Variants in GTF3C3 observed in about 807,000 individuals in gnomAD.
GTF3C3 encodes the protein general transcription factor 3C polypeptide 3.
GTF3C3 carries 75 observed loss-of-function variants against 105.2 expected under a neutral mutation model. The ratio of observed to expected loss-of-function variants is 0.71; its 90% confidence interval spans 0.59 to 0.86. The LOEUF (loss-of-function observed/expected upper bound fraction) is 0.86. Among genes scored for constraint, GTF3C3 ranks in the 40% least tolerant of loss-of-function variants. The pLI, the probability that GTF3C3 is intolerant of heterozygous loss-of-function variation, is 0.00. For synonymous variants in GTF3C3, 335 were observed against 370.4 expected, an observed-to-expected ratio of 0.90 and a Z score of 1.10; for missense variants, 856 against 1,076.5, an observed-to-expected ratio of 0.80 and a Z score of 2.87.
rs1280912989 is a variant in GTF3C3, at chr2:196,776,049, A to G, written c.1656T>C (p.Tyr552=). The change falls in exon 12 of 18, where the codon TAT becomes TAC. Residue 552 remains tyrosine, a synonymous_variant. Transcript: ENST00000263956. This position sits in a 1 kb window ranked among gnomAD's most constrained non-coding sequence, Gnocchi z 4.5. ...LLFSQGKMYG[Y]VDTLLTMLAM... Reference sequence around the variant, plus strand: ...CTAACATAGTAAGTAAGGTATCCACATAACCATACATTTTGCCTTGTGAAA... The same window carrying G: ...CTAACATAGTAAGTAAGGTATCCACGTAACCATACATTTTGCCTTGTGAAA... The G allele has an allele frequency of 1.3e-6, 2 of 1,596,116 alleles. No homozygotes were observed. Among genetic ancestry groups the G allele is most frequent in the Non-Finnish European group, 1.7e-6 (2 of 1,169,354 alleles).
intron 13 of GTF3C3, 170 bp downstream of exon 13, chr2:196,774,945 GC>G (rs1699237410): frequency 4.4e-6 from 2 of 455,622 alleles, no homozygotes; most frequent in Admixed American, 4.1e-5. Flanking sequence ...TTTACATTTA[GC>G]CTTTCCTTTT....
At chr2:196,778,807 T>G in intron 10 of GTF3C3, 89 bp downstream of exon 10, 1 of 1,174,156 alleles carries the variant, frequency 8.5e-7, no homozygotes. Flanking sequence ...CAGAAACACT[T>G]GCACTATAAT....
chr2:196,781,632 C>T (rs1429185110), intron 8 of GTF3C3, among the ~76,000 whole-genome samples: 1 of 151,674 alleles, frequency 6.6e-6, no homozygotes, highest in African/African-American at 2.4e-5. Context: ...GAGCCAATCT[C>T]TCATGAACAC....
In GTF3C3 at chr2:196,785,580, T is replaced by C. The variant is rs370627551; in HGVS notation, c.902A>G (p.Tyr301Cys). Reference sequence around the variant, plus strand: ...AGCAGAAGTAACATCATTGGCTTCATAGTAACTCCTAAAAAAAAGTGGCAA... The same window carrying C: ...AGCAGAAGTAACATCATTGGCTTCACAGTAACTCCTAAAAAAAAGTGGCAA... ...QLARDMAKSYYEANDVTSAIN... is the reference protein window; with the variant it reads ...QLARDMAKSYCEANDVTSAIN... Residue 301 changes from tyrosine (Y) to cysteine (C), a missense_variant, in exon 7 of 18, where the codon TAT becomes TGT. Tyr to Cys is a radical substitution (Grantham distance 194). This residue lies in a region of GTF3C3 where 605 missense variants were observed against 833.6 expected (regional missense o/e 0.73). Coordinates refer to ENST00000263956, the MANE Select transcript of GTF3C3 (RefSeq NM_012086.5). The C allele has an allele frequency of 6.9e-6, 11 of 1,596,612 alleles. No individual in the cohort carries two copies. The African/African-American group carries it at 8.1e-5, about 12-fold the overall frequency.
intron 7 of GTF3C3, 28 bp from the exon 8 acceptor site, chr2:196,784,957 A>G: frequency 7.0e-7 from 1 of 1,435,960 alleles, no homozygotes; most frequent in Non-Finnish European, 9.8e-7. Flanking sequence ...AAGAAAGGAA[A>G]TAAAATATGT....
chr2:196,765,658 T>C (rs955777759), intron 17 of GTF3C3, among the ~76,000 whole-genome samples: 2 of 150,880 alleles, frequency 1.3e-5, no homozygotes, highest in African/African-American at 4.8e-5. Flanking sequence ...AGTAAATTTA[T>C]ATATAAAAAC....
chr2:196,795,032 T>G (rs1324530327), intron 2 of GTF3C3, among the ~76,000 whole-genome samples: 3 of 148,642 alleles, frequency 2.0e-5, no homozygotes, highest in Non-Finnish European at 4.5e-5. Context: ...CCCAGCATTT[T>G]TTTTGTTTTG....
At position 196,795,166 on chromosome 2, in the gene GTF3C3, T is replaced by C. The variant is rs562990415; in HGVS notation, c.215-2014A>G. Among the ~76,000 whole-genome samples, 11 of 152,250 alleles carry C rather than the reference T, an allele frequency of 7.2e-5. No homozygotes were observed. The South Asian group carries it at 1.2e-3, about 17-fold the overall frequency. On this transcript the variant is annotated intron_variant, in intron 2 of 17. Coordinates refer to ENST00000263956, the MANE Select transcript of GTF3C3 (RefSeq NM_012086.5). Reference sequence around the variant, plus strand: ...AAGCAGTCCATCTCAGCCTCCCTAGTAGCTGGGACTACAGGCTTGTGCCAA... The same window carrying C: ...AAGCAGTCCATCTCAGCCTCCCTAGCAGCTGGGACTACAGGCTTGTGCCAA...
chr2:196,778,944 CAAG>C lies in GTF3C3; in HGVS notation c.1339_1341del (p.Leu447del). The C allele has an allele frequency of 6.2e-7, 1 of 1,614,010 alleles. No individual in the cohort carries two copies. The highest frequency in any genetic ancestry group is 1.1e-5 in the South Asian group (1 of 91,082). On this transcript the variant is annotated inframe_deletion, in exon 10 of 18. Coordinates refer to ENST00000263956, the MANE Select transcript of GTF3C3 (RefSeq NM_012086.5). ...GCAAGGTTGTATCTTTCAGAGCAAACAAGAGCACTGAGGAGGGGAAGTGCAGAA... is the reference window on the plus strand; with the variant it reads ...GCAAGGTTGTATCTTTCAGAGCAAACAGCACTGAGGAGGGGAAGTGCAGAA...
intron 13 of GTF3C3, 133 bp downstream of exon 13, chr2:196,774,983 G>T: frequency 1.7e-6 from 1 of 584,146 alleles, no homozygotes; most frequent in Non-Finnish European, 2.9e-6. Flanking sequence ...TATTACACTT[G>T]AGAGATTTAG....
Position 196,779,465 on chromosome 2 carries a change from A to T in GTF3C3, c.1219-398T>A, listed in dbSNP as rs560026450. 2.0e-5 allele frequency among the ~76,000 whole-genome samples: 3 copies of T among 152,288 alleles called. No homozygotes were observed. In the South Asian group the frequency reaches 6.2e-4, roughly 32 times the overall value. ...AAAAGGAGCAAGGCTTAATAAAAAC[A>T]GCGTTATATGGTCATTTTTCTGTTC... On this transcript the variant is annotated intron_variant, in intron 9 of 17. Transcript: ENST00000263956.
At position 196,784,920 on chromosome 2, in the gene GTF3C3, C is replaced by A. The variant is rs775656714; in HGVS notation, c.1051G>T (p.Asp351Tyr). ...QYDKALEIIT[D>Y]FSGIVLEKKT... is the part of the protein sequence containing the mutation. ...TTTTCCAGCACAATTCCAGAAAAAT[C>A]TGTAATTATCTAAAAGAATGGGAAA... is the stretch of plus-strand genomic sequence containing the variant. The change falls in exon 8 of 18, where the codon GAT becomes TAT. Residue 351 changes from aspartate (D) to tyrosine (Y), a missense_variant. Asp to Tyr is a radical substitution (Grantham distance 160). Transcript: ENST00000263956. 13 of 1,593,092 alleles carry A rather than the reference C, an allele frequency of 8.2e-6. No homozygotes were observed. The Admixed American group carries it at 2.2e-4, about 27-fold the overall frequency.
In GTF3C3 at chr2:196,764,548, C is replaced by G; in HGVS notation, c.*15G>C. ...ACACAGCAGCTGCCATTGCTCTGTTCTCAGTTGCGGTGCTTTATATAGAAC... is the reference window on the plus strand; with the variant it reads ...ACACAGCAGCTGCCATTGCTCTGTTGTCAGTTGCGGTGCTTTATATAGAAC... On this transcript the variant is annotated 3_prime_UTR_variant, in exon 18 of 18. Transcript: ENST00000263956. 5.0e-6 allele frequency: 8 copies of G among 1,611,412 alleles called. No homozygotes were observed. The highest frequency in any genetic ancestry group is 6.8e-6 in the Non-Finnish European group (8 of 1,178,338).
Position 196,797,826 on chromosome 2 carries a change from G to A in GTF3C3, c.185C>T (p.Thr62Ile). The change falls in exon 2 of 18, where the codon ACC becomes ATC. Residue 62 changes from threonine to isoleucine, a missense_variant. Around this residue, in one of 3 missense-constraint regions of GTF3C3, gnomAD observed 117 missense variants for 114.0 expected, o/e 1.03. Transcript: ENST00000263956. ...EVPSSSGINSTKSQDKDVNEG... is the reference protein window; with the variant it reads ...EVPSSSGINSIKSQDKDVNEG... ...ATTGACATCTTTGTCTTGGGATTTG[G>A]TAGAGTTAATTCCTGATGATGATGG... 2 of 1,604,696 alleles carry A rather than the reference G, an allele frequency of 1.2e-6. No individual in the cohort carries two copies.
intron 16 of GTF3C3, among the ~76,000 whole-genome samples, chr2:196,767,341 C>A (rs1222870149): frequency 6.6e-6 from 1 of 152,172 alleles, no homozygotes; most frequent in African/African-American, 2.4e-5. Context: ...TGTTTCTTTA[C>A]CTCTTCCCAT....
rs1234871535 is a variant in GTF3C3, at chr2:196,777,031, G to A, written c.1391-402C>T. On this transcript the variant is annotated intron_variant, in intron 10 of 17. Coordinates refer to ENST00000263956, the MANE Select transcript of GTF3C3 (RefSeq NM_012086.5). ...CATATATAAACCAGAGCACACAATCGGCAGACCAGTGTAACCCACAGGTAT... is the reference window on the plus strand; with the variant it reads ...CATATATAAACCAGAGCACACAATCAGCAGACCAGTGTAACCCACAGGTAT... Among the ~76,000 whole-genome samples the A allele has an allele frequency of 3.9e-5, 6 of 152,144 alleles. No homozygotes were observed. In the East Asian group the frequency reaches 7.7e-4, roughly 20 times the overall value.
chr2:196,791,305 G>A (rs1699544487), intron 4 of GTF3C3, 32 bp downstream of exon 4: 1 of 1,609,850 alleles, frequency 6.2e-7, no homozygotes, highest in Admixed American at 1.7e-5. Context: ...CTATTAAACT[G>A]CTATTATTAA....
At chr2:196,787,236 C>G (rs1015205349) in intron 6 of GTF3C3, among the ~76,000 whole-genome samples, 14 of 152,088 alleles carry the variant, frequency 9.2e-5, no homozygotes, top group Non-Finnish European at 1.8e-4. Context: ...CTATGTATCA[C>G]TACAGTAATT....
At chr2:196,791,603 G>T in intron 3 of GTF3C3, 143 bp from the exon 4 acceptor site, 1 of 622,612 alleles carries the variant, frequency 1.6e-6, no homozygotes, top group Non-Finnish European at 2.7e-6. Context: ...GAACTAAATA[G>T]TTGCAATTCT....
Sources: gnomAD v4.1 joint callset for allele counts (sites outside exome capture counted in the v4.1 genomes callset) on GRCh38, gnomAD v4.1.1 for gene constraint, gnomAD v4.1.1 regional missense constraint, Gnocchi (gnomAD v3.1) non-coding constraint, MANE v1.5 for transcripts, NCBI Gene and HGNC (gene_info 2026-07-23, HGNC 2026-07-21) for gene names.